The following CNTNAP4 variants were observed in gnomAD, a reference collection of about 807,000 sequenced individuals.
The protein encoded by CNTNAP4 is contactin-associated protein-like 4.
A neutral mutation model predicts 148.4 loss-of-function variants in CNTNAP4; 98 were observed. That is an observed-to-expected ratio of 0.66 (90% CI 0.56 to 0.78). The LOEUF (loss-of-function observed/expected upper bound fraction) is 0.78. Ranked by LOEUF, CNTNAP4 falls within the 30% of genes least tolerant of loss-of-function variation. The pLI is 0.00. For missense variants in CNTNAP4, 1,935 were observed against 1,565.6 expected, an observed-to-expected ratio of 1.24 and a Z score of -3.98; for synonymous variants, 730 against 565.1, an observed-to-expected ratio of 1.29 and a Z score of -4.14.
chr16:76,370,233 T>C (rs2014639452), intron 3 of CNTNAP4, among the ~76,000 whole-genome samples: 2 of 152,012 alleles, frequency 1.3e-5, no homozygotes. Flanking sequence ...TCCATATATA[T>C]AGCTGTGTGG....
chr16:76,549,323 G>A (rs1784875223), intron 21 of CNTNAP4, among the ~76,000 whole-genome samples: 1 of 152,078 alleles, frequency 6.6e-6, no homozygotes, highest in African/African-American at 2.4e-5. Flanking sequence ...TGCCCTCTCT[G>A]TCCCAAAGCT....
intron 3 of CNTNAP4, among the ~76,000 whole-genome samples, chr16:76,379,011 A>G (rs2015705475): frequency 6.6e-6 from 1 of 152,126 alleles, no homozygotes. Context: ...TCAAAATGTG[A>G]TTGAGACTCA....
chr16:76,284,611 G>T (rs944521666), intron 1 of CNTNAP4, among the ~76,000 whole-genome samples: 4 of 151,928 alleles, frequency 2.6e-5, no homozygotes, highest in Admixed American at 2.0e-4. Context: ...ACAACAAATT[G>T]TATCTCTAAA....
intron 15 of CNTNAP4, among the ~76,000 whole-genome samples, chr16:76,517,294 A>G (rs1000311072): frequency 6.6e-6 from 1 of 152,184 alleles, no homozygotes; most frequent in Non-Finnish European, 1.5e-5. Context: ...TCTTAGCGTC[A>G]GTGTCACTAT....
At chr16:76,511,838 GGA>G (rs61708542) in intron 15 of CNTNAP4, among the ~76,000 whole-genome samples, 160 of 148,240 alleles carry the variant, frequency 1.1e-3, no homozygotes, top group African/African-American at 2.4e-3. Flanking sequence ...ATATTTTCTT[GGA>G]GAGAGAGAGA....
chr16:76,553,725 C>T (rs1221077405), intron 22 of CNTNAP4, 111 bp from the exon 23 acceptor site: 4 of 697,978 alleles, frequency 5.7e-6, no homozygotes, highest in African/African-American at 1.8e-5. Flanking sequence ...TAACAGAGAT[C>T]CCACATTCGC....
intron 21 of CNTNAP4, among the ~76,000 whole-genome samples, chr16:76,547,739 T>C (rs1157026680): frequency 6.6e-6 from 1 of 152,206 alleles, no homozygotes; most frequent in East Asian, 1.9e-4. Context: ...GGATCATTTA[T>C]CTCTTTGGAG....
At chr16:76,349,614 A>C (rs759488133) in intron 2 of CNTNAP4, among the ~76,000 whole-genome samples, 7 of 151,966 alleles carry the variant, frequency 4.6e-5, no homozygotes, top group African/African-American at 1.7e-4. Context: ...GCAAACTTGG[A>C]CTCTTGGGGA....
At chr16:76,405,247 A>G (rs1478806929) in intron 3 of CNTNAP4, among the ~76,000 whole-genome samples, 1 of 152,204 alleles carries the variant, frequency 6.6e-6, no homozygotes, top group African/African-American at 2.4e-5. Context: ...TCTAGAGACC[A>G]TCTTAAAACC....
intron 2 of CNTNAP4, among the ~76,000 whole-genome samples, chr16:76,323,494 C>T (rs1962644123): frequency 6.6e-6 from 1 of 152,068 alleles, no homozygotes; most frequent in African/African-American, 2.4e-5. Context: ...TGAAGGGTTA[C>T]ACATTTATTT....
chr16:76,474,872 C>T (rs1036525705), intron 10 of CNTNAP4, among the ~76,000 whole-genome samples: 1 of 152,070 alleles, frequency 6.6e-6, no homozygotes, highest in African/African-American at 2.4e-5. Flanking sequence ...GCCATAACAA[C>T]TTAGGAGCCT....
At position 76,551,353 on chromosome 16, in the gene CNTNAP4, G is replaced by A. The variant is rs190417587; in HGVS notation, c.3443-1930G>A. Among the ~76,000 whole-genome samples the A allele has an allele frequency of 6.6e-3, 1,001 of 151,416 alleles. 5 individuals are homozygous for A. Among genetic ancestry groups the A allele is most frequent in the Non-Finnish European group, 0.011 (771 of 67,870 alleles). On this transcript the variant is annotated intron_variant, in intron 21 of 23. Coordinates refer to ENST00000611870, the MANE Select transcript of CNTNAP4 (RefSeq NM_033401.5). Reference sequence around the variant, plus strand: ...GCAAAAGCTGCAGGGAGCTGAGATCGTGCCACATCACTCCAGCCTGGGTGA... The same window carrying A: ...GCAAAAGCTGCAGGGAGCTGAGATCATGCCACATCACTCCAGCCTGGGTGA...
At chr16:76,485,772 A>C (rs2082005010) in intron 12 of CNTNAP4, among the ~76,000 whole-genome samples, 1 of 152,204 alleles carries the variant, frequency 6.6e-6, no homozygotes, top group African/African-American at 2.4e-5. Context: ...TTTACTTTAG[A>C]GATTTCAATA....
chr16:76,347,130 C>A (rs1042640436), intron 2 of CNTNAP4, among the ~76,000 whole-genome samples: 1 of 124,660 alleles, frequency 8.0e-6, no homozygotes, highest in African/African-American at 3.0e-5. Context: ...AGGTGTGAGG[C>A]AATTGGTTGT....
At chr16:76,320,378 A>G (rs1962278681) in intron 2 of CNTNAP4, among the ~76,000 whole-genome samples, 1 of 152,306 alleles carries the variant, frequency 6.6e-6, no homozygotes, top group Middle Eastern at 3.4e-3. Context: ...CTGATAAGCA[A>G]AAAAGGCAAT....
chr16:76,484,464 T>C lies in CNTNAP4; in HGVS notation c.1882+4926T>C, dbSNP rs76151507. ...AAATGTCTCCAGTAGCTCTGGAATATTGGAACATATTCAAACAAAAGTGAC... is the reference window on the plus strand; with the variant it reads ...AAATGTCTCCAGTAGCTCTGGAATACTGGAACATATTCAAACAAAAGTGAC... On this transcript the variant is annotated intron_variant, in intron 12 of 23. Transcript: ENST00000611870. Among the ~76,000 whole-genome samples, 102 of 152,154 alleles carry C rather than the reference T, an allele frequency of 6.7e-4. 4 individuals are homozygous for C. In the East Asian group the frequency reaches 0.019, roughly 28 times the overall value.
chr16:76,316,426 T>A lies in CNTNAP4; in HGVS notation c.99T>A (p.Asp33Glu). Residue 33 changes from aspartate to glutamate, a missense_variant, in exon 2 of 24, where the codon GAT (aspartate) becomes GAA (glutamate). Coordinates refer to ENST00000611870, the MANE Select transcript of CNTNAP4 (RefSeq NM_033401.5). ...TCCTCCTGGCAGATGACTGTGATGA[T>A]CCTCTTGTGTCTGCCTTGCCTCAGG... is the stretch of plus-strand genomic sequence containing the variant. ...VEAGNSYDCD[D>E]PLVSALPQAS... is the part of the protein sequence containing the mutation. The A allele has an allele frequency of 6.2e-7, 1 of 1,613,366 alleles. No homozygotes were observed. The highest frequency in any genetic ancestry group is 2.2e-5 in the East Asian group (1 of 44,866).
intron 17 of CNTNAP4, among the ~76,000 whole-genome samples, chr16:76,531,645 G>T (rs1241501102): frequency 6.6e-6 from 1 of 152,056 alleles, no homozygotes; most frequent in Non-Finnish European, 1.5e-5. Flanking sequence ...CATTTTAATT[G>T]GACACACTCT....
intron 4 of CNTNAP4, among the ~76,000 whole-genome samples, chr16:76,434,723 C>A (rs2079751056): frequency 6.6e-6 from 1 of 152,272 alleles, no homozygotes; most frequent in Middle Eastern, 3.4e-3. Context: ...TTGGCCTTTC[C>A]CACCATAATA....
Sources: allele counts gnomAD v4.1 joint callset (sites outside exome capture counted in the v4.1 genomes callset), GRCh38; gene constraint gnomAD v4.1.1; transcripts MANE v1.5; gene names NCBI Gene and HGNC (gene_info 2026-07-23, HGNC 2026-07-21).